WNK3: variants seen among roughly 807,000 people sequenced by gnomAD.
WNK3 encodes WNK lysine deficient protein kinase 3.
A neutral mutation model predicts 116.7 loss-of-function variants in WNK3; 18 were observed. The observed-to-expected ratio is 0.15, with a 90% CI of 0.11 to 0.23. The LOEUF is 0.23. Among genes scored for constraint, WNK3 ranks in the 10% least tolerant of loss-of-function variants. The pLI, the probability that WNK3 is intolerant of heterozygous loss-of-function variation, is 1.00. For synonymous variants in WNK3, 404 were observed against 469.4 expected (o/e 0.86, Z 1.80); for missense variants, 993 against 1,323.8 (o/e 0.75, Z 3.88).
At chrX:54,353,360 A>G (rs1206157511) in intron 1 of WNK3, among the ~76,000 whole-genome samples, 1 of 111,169 alleles carries the variant, frequency 9.0e-6, no homozygotes, top group African/African-American at 3.3e-5. Flanking sequence ...CGGGATGCTG[A>G]GGCAGGAGAA....
At chrX:54,345,269 AACAAC>A (rs1359081245) in intron 1 of WNK3, among the ~76,000 whole-genome samples, 3 of 100,606 alleles carry the variant, frequency 3.0e-5, no homozygotes, top group African/African-American at 1.1e-4. Flanking sequence ...CAACAACAAC[AACAAC>A]TATATATATA....
intron 10 of WNK3, among the ~76,000 whole-genome samples, chrX:54,266,845 T>C (rs1427890544): frequency 9.0e-6 from 1 of 110,998 alleles, no homozygotes; most frequent in Admixed American, 9.7e-5. Flanking sequence ...ATCTAGGTTT[T>C]AAGCTCCGCA....
chrX:54,307,204 C>T (rs1175020060), intron 5 of WNK3, among the ~76,000 whole-genome samples: 12 of 99,715 alleles, frequency 1.2e-4, no homozygotes, highest in Non-Finnish European at 1.8e-4. Flanking sequence ...TAAAGCCTGG[C>T]GACAGACTGT....
intron 22 of WNK3, among the ~76,000 whole-genome samples, chrX:54,203,491 C>T (rs1370198207): frequency 1.8e-5 from 2 of 110,652 alleles, no homozygotes; most frequent in African/African-American, 3.3e-5. Context: ...TGAAAAAATA[C>T]AAAAAAAATT....
At chrX:54,340,674 A>C (rs1557176206) in intron 1 of WNK3, among the ~76,000 whole-genome samples, 1 of 111,829 alleles carries the variant, frequency 8.9e-6, no homozygotes, top group East Asian at 2.8e-4. Context: ...AAATAGGCAA[A>C]AGATCTGAAT....
chrX:54,315,760 T>C (rs1166654927), intron 2 of WNK3, among the ~76,000 whole-genome samples: 4 of 111,930 alleles, frequency 3.6e-5, no homozygotes, highest in Non-Finnish European at 7.5e-5. Flanking sequence ...AAGTGATTAT[T>C]TTCCCCTCAT....
intron 10 of WNK3, among the ~76,000 whole-genome samples, chrX:54,285,821 T>C (rs2068574236): frequency 8.9e-6 from 1 of 112,260 alleles, no homozygotes; most frequent in Non-Finnish European, 1.9e-5. Context: ...TTACTGTATA[T>C]ACATTTAAAC....
intron 1 of WNK3, among the ~76,000 whole-genome samples, chrX:54,341,212 C>G (rs2069317634): frequency 9.0e-6 from 1 of 110,813 alleles, no homozygotes; most frequent in Non-Finnish European, 1.9e-5. Context: ...GCCTGGCCAA[C>G]ATGGTGAAAC....
chrX:54,270,569 A>C (rs1333974452), intron 10 of WNK3, among the ~76,000 whole-genome samples: 7 of 107,736 alleles, frequency 6.5e-5, no homozygotes, highest in Non-Finnish European at 1.3e-4. Context: ...ACACCTGGCT[A>C]ATTTTTTTTT....
intron 11 of WNK3, among the ~76,000 whole-genome samples, chrX:54,256,285 C>A (rs1202218813): frequency 9.0e-6 from 1 of 111,679 alleles, no homozygotes; most frequent in Admixed American, 9.6e-5. Context: ...TTATTAATAT[C>A]TTCAAACAAA....
At chrX:54,255,254 ACAGGCGTG>A (rs2068179045) in intron 12 of WNK3, among the ~76,000 whole-genome samples, 1 of 111,878 alleles carries the variant, frequency 8.9e-6, no homozygotes, top group Non-Finnish European at 1.9e-5. Flanking sequence ...TGTTGGGATT[ACAGGCGTG>A]AGCCACTGCG....
intron 7 of WNK3, among the ~76,000 whole-genome samples, chrX:54,296,329 A>C (rs2068698282): frequency 9.0e-6 from 1 of 110,901 alleles, no homozygotes. Context: ...AATATATAGC[A>C]CAATTGGCCT....
At chrX:54,200,561 G>A (rs2067491102) in intron 23 of WNK3, among the ~76,000 whole-genome samples, 1 of 111,616 alleles carries the variant, frequency 9.0e-6, no homozygotes, top group Non-Finnish European at 1.9e-5. Flanking sequence ...TGAAAGACAT[G>A]AAAACTGAGG....
chrX:54,293,017 C>A, exon 10 of WNK3: 1 of 1,209,744 alleles, frequency 8.3e-7, no homozygotes, highest in South Asian at 1.8e-5. Context: ...GCGGCTGAGT[C>A]AGCTTTGAAT....
rs141460120 is a variant in WNK3 at position 54,224,968 on chromosome X, C to T, written c.4870+3746G>A. 3.4e-3 allele frequency among the ~76,000 whole-genome samples: 381 copies of T among 110,677 alleles called. 3 individuals carry two copies. The highest frequency in any genetic ancestry group is 0.012 in the African/African-American group (356 of 30,448). On this transcript the variant is annotated intron_variant, in intron 22 of 23. Coordinates refer to ENST00000354646, the Ensembl canonical transcript of WNK3. The stretch of plus-strand genomic sequence containing the variant: ...TGAACAGCCCTCTAAACCAAAGAGG[C>T]CTAACAGACATATATGGAACGCTCC...
At chrX:54,281,075 T>C (rs1557162285) in intron 10 of WNK3, among the ~76,000 whole-genome samples, 1 of 112,222 alleles carries the variant, frequency 8.9e-6, no homozygotes, top group African/African-American at 3.2e-5. Context: ...TACAATGTGA[T>C]GATTTGCTAT....
At chrX:54,211,796 A>G (rs1603372326) in intron 22 of WNK3, among the ~76,000 whole-genome samples, 1 of 110,851 alleles carries the variant, frequency 9.0e-6, no homozygotes, top group East Asian at 2.8e-4. Flanking sequence ...TGACAGGACG[A>G]GACTCTGCCT....
At chrX:54,262,151 T>C (rs1444261847) in intron 10 of WNK3, among the ~76,000 whole-genome samples, 5 of 112,156 alleles carry the variant, frequency 4.5e-5, no homozygotes, top group African/African-American at 1.6e-4. Context: ...AATATTTGTT[T>C]CAATACTATA....
chrX:54,278,013 G>A (rs1200063746), intron 10 of WNK3, among the ~76,000 whole-genome samples: 1 of 107,952 alleles, frequency 9.3e-6, no homozygotes, highest in East Asian at 2.9e-4. Flanking sequence ...AGGATTGCTC[G>A]AGCCTGGGAA....
Sources: gnomAD v4.1 joint callset for allele counts (sites outside exome capture counted in the v4.1 genomes callset) on GRCh38, gnomAD v4.1.1 for gene constraint, MANE v1.5 for transcripts, NCBI Gene and HGNC (gene_info 2026-07-23, HGNC 2026-07-21) for gene names.